Variants in CTNNA2 observed in about 807,000 individuals in gnomAD.
CTNNA2 encodes catenin alpha-2.
Under a neutral mutation model 101.0 loss-of-function variants are expected in CTNNA2, and 42 were observed. That is an observed-to-expected ratio of 0.42 (90% CI 0.32 to 0.54). CTNNA2 has a LOEUF of 0.54. Among genes scored for constraint, CTNNA2 ranks in the 20% least tolerant of loss-of-function variants. The pLI is 0.14. For missense variants in CTNNA2, 871 were observed against 1,223.1 expected, an observed-to-expected ratio of 0.71 and a Z score of 4.29; for synonymous variants, 450 against 456.4, an observed-to-expected ratio of 0.99 and a Z score of 0.18.
chr2:79,830,164 A>G (rs1344492877), intron 3 of CTNNA2, among the ~76,000 whole-genome samples: 1 of 149,042 alleles, frequency 6.7e-6, no homozygotes, highest in Non-Finnish European at 1.5e-5. Context: ...AAGTTATCCT[A>G]CAAGAGTACA....
rs1360682677 is a variant in CTNNA2, at chr2:79,283,464, G to C, written c.-405-29245G>C. Among the ~76,000 whole-genome samples the C allele has an allele frequency of 2.5e-3, 290 of 113,834 alleles. 2 individuals carry two copies. The highest frequency in any genetic ancestry group is 8.2e-3 in the African/African-American group (281 of 34,106). 74.7% of individuals were successfully genotyped at this position (113,834 alleles called of 152,430 possible). A position where few individuals can be genotyped will look rare whatever the true frequency, so the allele number is the denominator to read the frequency against. ...GGTGTAAGGAAGGGATCCAGTTTCA[G>C]CTTTCTACATATGGCTAGCCAGTTT... On this transcript the variant is annotated intron_variant, in intron 2 of 21. Coordinates refer to the CTNNA2 transcript ENST00000466387.
At chr2:79,517,796 A>C (rs376799621) in intron 1 of CTNNA2, among the ~76,000 whole-genome samples, 1 of 152,106 alleles carries the variant, frequency 6.6e-6, no homozygotes, top group Admixed American at 6.6e-5. Flanking sequence ...AGACACCTTA[A>C]TTTTCTAGGG....
At chr2:79,657,743 G>T (rs1188029561) in intron 2 of CTNNA2, among the ~76,000 whole-genome samples, 1 of 150,702 alleles carries the variant, frequency 6.6e-6, no homozygotes, top group African/African-American at 2.4e-5. Context: ...GCATAAGTGT[G>T]AAAAAAAATA....
At chr2:79,358,750 A>G (rs1573117200) in intron 3 of CTNNA2, among the ~76,000 whole-genome samples, 1 of 152,182 alleles carries the variant, frequency 6.6e-6, no homozygotes, top group East Asian at 1.9e-4. Context: ...AAATATCTTC[A>G]TTTTACAGAT....
intron 7 of CTNNA2, among the ~76,000 whole-genome samples, chr2:80,058,909 G>T (rs975130180): frequency 2.1e-4 from 32 of 151,970 alleles, no homozygotes; most frequent in African/African-American, 7.5e-4. Context: ...TGTCAGCCAA[G>T]TTTTCTGATT....
intron 7 of CTNNA2, among the ~76,000 whole-genome samples, chr2:80,294,078 A>C (rs1340168908): frequency 6.6e-6 from 1 of 152,158 alleles, no homozygotes; most frequent in Non-Finnish European, 1.5e-5. Flanking sequence ...TCATAATGAC[A>C]CAACCAATCA....
chr2:79,295,434 C>CA (rs1329023473), intron 2 of CTNNA2, among the ~76,000 whole-genome samples: 1 of 152,058 alleles, frequency 6.6e-6, no homozygotes, highest in African/African-American at 2.4e-5. Flanking sequence ...GAAAGAGTGC[C>CA]AATTATTTCT....
intron 3 of CTNNA2, among the ~76,000 whole-genome samples, chr2:79,745,372 A>G (rs759623822): frequency 3.2e-4 from 49 of 152,104 alleles, no homozygotes; most frequent in Non-Finnish European, 5.4e-4. Context: ...CGGAGGTTGC[A>G]GTGAGCCAAG....
chr2:79,944,722 A>C (rs1688380790), intron 7 of CTNNA2, among the ~76,000 whole-genome samples: 1 of 152,214 alleles, frequency 6.6e-6, no homozygotes, highest in Non-Finnish European at 1.5e-5. Flanking sequence ...CCTGGAGTAG[A>C]AGGGTGAAAC....
At chr2:79,977,699 TA>T (rs1419376147) in intron 7 of CTNNA2, among the ~76,000 whole-genome samples, 1 of 152,178 alleles carries the variant, frequency 6.6e-6, no homozygotes, top group African/African-American at 2.4e-5. Flanking sequence ...ACCTAAAATA[TA>T]ACGCTTTTTA....
intron 3 of CTNNA2, among the ~76,000 whole-genome samples, chr2:79,329,513 T>C (rs537653456): frequency 3.1e-4 from 47 of 152,204 alleles, no homozygotes; most frequent in Non-Finnish European, 5.4e-4. Flanking sequence ...TACGGTGGCA[T>C]CCCCTACACT....
At chr2:80,492,746 G>A (rs991220922) in intron 9 of CTNNA2, among the ~76,000 whole-genome samples, 2 of 152,128 alleles carry the variant, frequency 1.3e-5, no homozygotes, top group Non-Finnish European at 2.9e-5. Context: ...GGCACATGCT[G>A]TTTCCTCTGG....
At chr2:80,436,530 G>T (rs192880519) in intron 9 of CTNNA2, among the ~76,000 whole-genome samples, 1 of 152,098 alleles carries the variant, frequency 6.6e-6, no homozygotes, top group Non-Finnish European at 1.5e-5. Context: ...TGCTACAGCC[G>T]CTGCTATGGT....
chr2:79,751,677 A>G (rs1302528326), intron 3 of CTNNA2, among the ~76,000 whole-genome samples: 1 of 151,848 alleles, frequency 6.6e-6, no homozygotes, highest in African/African-American at 2.4e-5. Context: ...AAGTATAGAC[A>G]ACATGATGAA....
At chr2:79,446,884 C>A (rs1421733649) in intron 4 of CTNNA2, among the ~76,000 whole-genome samples, 3 of 151,998 alleles carry the variant, frequency 2.0e-5, no homozygotes, top group African/African-American at 7.2e-5. Context: ...TTCCTCTAAT[C>A]TCCTTTTTTA....
chr2:79,517,449 A>G (rs529421839), intron 1 of CTNNA2, among the ~76,000 whole-genome samples: 1 of 152,266 alleles, frequency 6.6e-6, no homozygotes, highest in African/African-American at 2.4e-5. Context: ...ATCTTAAGAT[A>G]TATTAGTCAT....
chr2:79,371,926 G>A (rs1178562180), intron 3 of CTNNA2, among the ~76,000 whole-genome samples: 4 of 152,094 alleles, frequency 2.6e-5, no homozygotes, highest in African/African-American at 7.2e-5. Flanking sequence ...TTAATCCCCG[G>A]TATAACTTGT....
intron 4 of CTNNA2, among the ~76,000 whole-genome samples, chr2:79,502,957 C>T (rs77529090): frequency 0.01 from 1,523 of 152,204 alleles, 25 homozygotes; most frequent in East Asian, 0.048. Context: ...TCTGCAAGGG[C>T]TCAACAATAT....
At chr2:80,544,921 A>G in intron 9 of CTNNA2, 61 bp from the exon 10 acceptor site, 1 of 1,408,242 alleles carries the variant, frequency 7.1e-7, no homozygotes. Flanking sequence ...TCCAAGGCGG[A>G]GCAACAGTAT....
Sources: gnomAD v4.1 joint callset for allele counts (sites outside exome capture counted in the v4.1 genomes callset) on GRCh38, gnomAD v4.1.1 for gene constraint, MANE v1.5 for transcripts, NCBI Gene and HGNC (gene_info 2026-07-23, HGNC 2026-07-21) for gene names.